The following RPS6KB1 variants were observed in gnomAD, a reference collection of about 807,000 sequenced individuals.
RPS6KB1 encodes ribosomal protein S6 kinase B1, also known as ribosomal protein S6 kinase beta-1.
RPS6KB1 carries 12 observed loss-of-function variants against 70.2 expected under a neutral mutation model. The ratio of observed to expected loss-of-function variants is 0.17; its 90% CI spans 0.11 to 0.28. The LOEUF is 0.28. Among genes scored for constraint, RPS6KB1 ranks in the 10% least tolerant of loss-of-function variants. The pLI is 1.00. For missense variants in RPS6KB1, 270 were observed against 646.6 expected, an observed-to-expected ratio of 0.42 and a Z score of 6.32; for synonymous variants, 175 against 211.2, an observed-to-expected ratio of 0.83 and a Z score of 1.49.
intron 6 of RPS6KB1, 127 bp downstream of exon 6, chr17:59,930,301 G>T: frequency 1.4e-6 from 1 of 730,156 alleles, no homozygotes. Context: ...CCTCAAGGGG[G>T]AGAAGCAGTT....
At chr17:59,944,682 A>C (rs1306134342) in intron 13 of RPS6KB1, among the ~76,000 whole-genome samples, 8 of 152,132 alleles carry the variant, frequency 5.3e-5, no homozygotes, top group Non-Finnish European at 1.0e-4. Context: ...AATTGTTTTT[A>C]CTTTGGTCTG....
chr17:59,940,896 A>G lies in RPS6KB1; in HGVS notation c.1180A>G (p.Ser394Gly). The part of the protein sequence containing the change: ...SKFTRQTPVD[S>G]PDDSTLSESA... ...GTTTACACGTCAGACACCTGTCGAC[A>G]GCCCAGATGACTCAACTCTCAGTGA... The change falls in exon 13 of 15, where the codon AGC (serine) becomes GGC (glycine). Residue 394 changes from serine to glycine, a missense_variant. This residue lies in a region of RPS6KB1 where 133 missense variants were observed against 314.7 expected (regional missense o/e 0.42). Coordinates refer to ENST00000225577, the MANE Select transcript of RPS6KB1 (RefSeq NM_003161.4). 6.3e-7 allele frequency: 1 copy of G among 1,597,472 alleles called. No individual in the cohort carries two copies. The highest frequency in any genetic ancestry group is 8.5e-7 in the Non-Finnish European group (1 of 1,178,948).
intron 1 of RPS6KB1, among the ~76,000 whole-genome samples, chr17:59,910,132 A>G (rs1007574737): frequency 1.3e-5 from 2 of 150,598 alleles, no homozygotes; most frequent in Admixed American, 6.7e-5. Context: ...GGTTGCAGTG[A>G]GCTGAGATGG....
chr17:59,907,619 G>A (rs1410901260), intron 1 of RPS6KB1, among the ~76,000 whole-genome samples: 1 of 150,678 alleles, frequency 6.6e-6, no homozygotes, highest in Non-Finnish European at 1.5e-5. Flanking sequence ...CCACATTGTA[G>A]CCATGACCTC....
Position 59,947,495 on chromosome 17 carries a change from G to A in RPS6KB1, c.*707G>A. Reference sequence around the variant, plus strand: ...GTGGCTCGTTTGAGGGATTGGGGTGGACCTGGGGTTTATTTTCAGTAACCC... The same window carrying A: ...GTGGCTCGTTTGAGGGATTGGGGTGAACCTGGGGTTTATTTTCAGTAACCC... On this transcript the variant is annotated 3_prime_UTR_variant, in exon 15 of 15. Coordinates refer to ENST00000225577, the MANE Select transcript of RPS6KB1 (RefSeq NM_003161.4). 1 of 1,501,746 alleles carries A rather than the reference G, an allele frequency of 6.7e-7. No homozygotes were observed. Among genetic ancestry groups the A allele is most frequent in the African/African-American group, 1.4e-5 (1 of 71,170 alleles). 93.0% of individuals were successfully genotyped at this position (1,501,746 alleles called of 1,614,324 possible). A position where few individuals can be genotyped will look rare whatever the true frequency, so the allele number is the denominator to read the frequency against.
At position 59,949,232 on chromosome 17, in the gene RPS6KB1, A is replaced by G. The variant is rs1480146676; in HGVS notation, c.*2444A>G. ...ACTTGTTTCATAAATGGATATCCCT[A>G]CTATGACTGTGAAAACATGTCAAGT... On this transcript the variant is annotated 3_prime_UTR_variant, in exon 15 of 15. Transcript: ENST00000225577. 3.3e-5 allele frequency: 5 copies of G among 152,642 alleles called. No individual in the cohort carries two copies. Among genetic ancestry groups the G allele is most frequent in the Non-Finnish European group, 5.9e-5 (4 of 68,014 alleles). 9.5% of individuals were successfully genotyped at this position (152,642 alleles called of 1,614,324 possible). A position where few individuals can be genotyped will look rare whatever the true frequency, so the allele number is the denominator to read the frequency against.
chr17:59,893,151 C>T lies in RPS6KB1; in HGVS notation c.-34C>T. 6.3e-7 allele frequency: 1 copy of T among 1,599,922 alleles called. No homozygotes were observed. Among genetic ancestry groups the T allele is most frequent in the Admixed American group, 1.7e-5 (1 of 57,360 alleles). The stretch of plus-strand genomic sequence containing the variant: ...GAGCCTAAGCAGCCGGTGATGGCGG[C>T]AGCGGCTGTGGTGGCTGCGGCGGGT... On this transcript the variant is annotated 5_prime_UTR_variant, in exon 1 of 15. Transcript: ENST00000225577. The surrounding 1 kb of genome is among the most constrained non-coding windows in gnomAD (Gnocchi z 4.1).
chr17:59,902,724 G>A (rs117235673), intron 1 of RPS6KB1, among the ~76,000 whole-genome samples: 4,276 of 151,988 alleles, frequency 0.028, 72 homozygotes, highest in Middle Eastern at 0.054. Context: ...CCACAGGCAC[G>A]TGCCACCATT....
chr17:59,899,309 C>G (rs2041766382), intron 1 of RPS6KB1, among the ~76,000 whole-genome samples: 1 of 151,912 alleles, frequency 6.6e-6, no homozygotes, highest in Non-Finnish European at 1.5e-5. Context: ...CTAGAGGTAA[C>G]ACTGAGTAGC....
In RPS6KB1 at chr17:59,934,097, A is replaced by T; in HGVS notation, c.689-73A>T. 1.0e-6 allele frequency: 1 copy of T among 973,020 alleles called. No individual in the cohort carries two copies. The highest frequency in any genetic ancestry group is 1.7e-6 in the Non-Finnish European group (1 of 605,164). The allele number at this position is 973,020 out of a possible 1,614,324, so 60.3% of individuals were successfully genotyped here. A position where few individuals can be genotyped will look rare whatever the true frequency, so the allele number is the denominator to read the frequency against. On this transcript the variant is annotated intron_variant, in intron 7 of 14. Transcript: ENST00000225577. The surrounding 1 kb of genome is among the most constrained non-coding windows in gnomAD (Gnocchi z 4.8). ...GTTAAATGGAAGGATAGATTAAAGT[A>T]TTATGTGACATGTTCAAACACTGCA...
chr17:59,900,225 C>A (rs1000852170), intron 1 of RPS6KB1, among the ~76,000 whole-genome samples: 1 of 142,540 alleles, frequency 7.0e-6, no homozygotes, highest in African/African-American at 2.7e-5. Flanking sequence ...CACACACACA[C>A]ACACACCCCT....
chr17:59,923,436 G>T (rs2043399276), intron 4 of RPS6KB1, among the ~76,000 whole-genome samples: 1 of 152,076 alleles, frequency 6.6e-6, no homozygotes, highest in African/African-American at 2.4e-5. Context: ...ATGGTGATCC[G>T]CCTGCCTCGG....
rs1345131507 is a variant in RPS6KB1 at position 59,936,921 on chromosome 17, C to T, written c.1119+380C>T. Among the ~76,000 whole-genome samples the T allele has an allele frequency of 2.0e-5, 3 of 152,276 alleles. 1 individual carries two copies. The South Asian group carries it at 6.2e-4, about 32-fold the overall frequency. On this transcript the variant is annotated intron_variant, in intron 12 of 14. Transcript: ENST00000225577. ...TCACCCAGGATGGAGTGCAGCAGCACGATCACAGTTCAATGCAGCCTTGAC... is the reference window on the plus strand; with the variant it reads ...TCACCCAGGATGGAGTGCAGCAGCATGATCACAGTTCAATGCAGCCTTGAC...
chr17:59,895,422 A>G lies in RPS6KB1; in HGVS notation c.141+2097A>G, dbSNP rs539899862. 2.0e-5 allele frequency among the ~76,000 whole-genome samples: 3 copies of G among 149,898 alleles called. No individual in the cohort carries two copies. In the South Asian group the frequency reaches 6.3e-4, roughly 32 times the overall value. On this transcript the variant is annotated intron_variant, in intron 1 of 14. Transcript: ENST00000225577. ...CTGCAGCCTCTGCCTCCCAGGTTCA[A>G]GCGATTCTCCTACCTCAGCCTCCCA...
At chr17:59,906,237 A>G (rs79424623) in intron 1 of RPS6KB1, among the ~76,000 whole-genome samples, 1 of 152,188 alleles carries the variant, frequency 6.6e-6, no homozygotes, top group Admixed American at 6.5e-5. Flanking sequence ...TCTTTATGCC[A>G]GTACCACACT....
At chr17:59,895,349 T>C (rs1033065136) in intron 1 of RPS6KB1, among the ~76,000 whole-genome samples, 3 of 116,358 alleles carry the variant, frequency 2.6e-5, no homozygotes, top group African/African-American at 1.0e-4. Context: ...TGAGACAGGG[T>C]CTTCCTCTGT....
intron 13 of RPS6KB1, among the ~76,000 whole-genome samples, chr17:59,942,282 G>GA (rs1196902719): frequency 6.6e-6 from 1 of 152,186 alleles, no homozygotes; most frequent in Non-Finnish European, 1.5e-5. Context: ...GTGAATATTT[G>GA]ACATCAAAAC....
At chr17:59,910,077 C>T (rs1380489902) in intron 1 of RPS6KB1, among the ~76,000 whole-genome samples, 1 of 151,532 alleles carries the variant, frequency 6.6e-6, no homozygotes, top group Non-Finnish European at 1.5e-5. Flanking sequence ...CTCCCAGCTA[C>T]TCAGGAGGCT....
At chr17:59,897,552 A>T (rs1292039) in intron 1 of RPS6KB1, among the ~76,000 whole-genome samples, 25,287 of 152,140 alleles carry the variant, frequency 0.17, 2,444 homozygotes, top group East Asian at 0.39. Flanking sequence ...GGTACGTTAC[A>T]GAGTGACTAT....
Sources: allele counts gnomAD v4.1 joint callset (sites outside exome capture counted in the v4.1 genomes callset), GRCh38; gene constraint gnomAD v4.1.1; regional missense constraint gnomAD v4.1.1; non-coding constraint Gnocchi (gnomAD v3.1); transcripts MANE v1.5; gene names NCBI Gene and HGNC (gene_info 2026-07-23, HGNC 2026-07-21).